The following PTPRD variants were observed in gnomAD, a reference collection of about 807,000 sequenced individuals.
The protein encoded by PTPRD is receptor-type tyrosine-protein phosphatase delta.
PTPRD carries 34 observed loss-of-function variants against 214.5 expected under a neutral mutation model. The observed-to-expected ratio is 0.16, with a 90% CI of 0.12 to 0.21. The LOEUF (loss-of-function observed/expected upper bound fraction) is 0.21. PTPRD is among the 10% of genes least tolerant of loss of function. The pLI is 1.00. For missense variants in PTPRD, 2,545 were observed against 2,398.7 expected, an observed-to-expected ratio of 1.06 and a Z score of -1.27; for synonymous variants, 1,128 against 845.7, an observed-to-expected ratio of 1.33 and a Z score of -5.79.
rs142875996 is a variant in PTPRD, at chr9:9,955,266, G to A, written c.-471-16656C>T. Among the ~76,000 whole-genome samples, 366 of 152,164 alleles carry A rather than the reference G, an allele frequency of 2.4e-3. 1 individual carries two copies. Among genetic ancestry groups the A allele is most frequent in the African/African-American group, 8.3e-3 (345 of 41,542 alleles). On this transcript the variant is annotated intron_variant, in intron 4 of 45. Coordinates refer to ENST00000381196, the MANE Select transcript of PTPRD (RefSeq NM_002839.4). ...ATGAATGAGTGAACGAGTACTAAAC[G>A]GTGAAAGTGTAAAATGACTTTATCA...
At chr9:9,826,484 A>G (rs113427504) in intron 5 of PTPRD, among the ~76,000 whole-genome samples, 5 of 152,102 alleles carry the variant, frequency 3.3e-5, no homozygotes, top group African/African-American at 9.6e-5. Context: ...TGAGTATGAA[A>G]TTAGCTAATC....
chr9:8,851,805 G>A (rs182606122), intron 11 of PTPRD, among the ~76,000 whole-genome samples: 7 of 152,026 alleles, frequency 4.6e-5, no homozygotes, highest in Admixed American at 4.6e-4. Flanking sequence ...TTTCCTCCGA[G>A]AGCTCACAGA....
chr9:9,398,019 C>T (rs80254516), intron 8 of PTPRD, among the ~76,000 whole-genome samples: 1 of 152,068 alleles, frequency 6.6e-6, no homozygotes, highest in African/African-American at 2.4e-5. Flanking sequence ...AGTGCATACT[C>T]ATGCTACCTT....
intron 9 of PTPRD, among the ~76,000 whole-genome samples, chr9:9,233,011 A>G (rs2099964099): frequency 6.6e-6 from 1 of 152,152 alleles, no homozygotes; most frequent in South Asian, 2.1e-4. Flanking sequence ...GTCCAATAAT[A>G]GCTCTTAAGA....
chr9:8,513,312 A>G (rs553581122), intron 21 of PTPRD, among the ~76,000 whole-genome samples: 1 of 152,200 alleles, frequency 6.6e-6, no homozygotes, highest in South Asian at 2.1e-4. Context: ...CTGTATTACC[A>G]GAAATACACA....
intron 9 of PTPRD, among the ~76,000 whole-genome samples, chr9:9,221,649 T>C (rs1313139769): frequency 6.6e-6 from 1 of 152,120 alleles, no homozygotes; most frequent in East Asian, 1.9e-4. Context: ...AACTATACTC[T>C]TATGACCTTA....
At chr9:8,465,960 T>G (rs776876524) in intron 31 of PTPRD, among the ~76,000 whole-genome samples, 1 of 151,872 alleles carries the variant, frequency 6.6e-6, no homozygotes, top group Non-Finnish European at 1.5e-5. Context: ...CCTACACTAA[T>G]GAAATTCTCT....
intron 35 of PTPRD, among the ~76,000 whole-genome samples, chr9:8,408,589 A>G (rs2093246684): frequency 6.6e-6 from 1 of 152,254 alleles, no homozygotes. Context: ...TACGAAATAC[A>G]TAAATTATCA....
At chr9:9,794,424 T>C (rs75839570) in intron 5 of PTPRD, among the ~76,000 whole-genome samples, 4,029 of 152,008 alleles carry the variant, frequency 0.027, 191 homozygotes, top group African/African-American at 0.092. Flanking sequence ...CTTAACGATT[T>C]ATGGTATTTG....
At chr9:10,597,871 C>T (rs1454440760) in intron 2 of PTPRD, among the ~76,000 whole-genome samples, 1 of 151,824 alleles carries the variant, frequency 6.6e-6, no homozygotes, top group Non-Finnish European at 1.5e-5. Flanking sequence ...TTCCATTGAA[C>T]ATTGAGTCTT....
intron 4 of PTPRD, among the ~76,000 whole-genome samples, chr9:10,015,861 A>G (rs1037963127): frequency 3.3e-5 from 5 of 151,900 alleles, no homozygotes; most frequent in African/African-American, 1.2e-4. Flanking sequence ...ATTTTGAAAC[A>G]TTTCATTTCA....
chr9:9,400,541 A>T (rs1464290555), intron 8 of PTPRD, among the ~76,000 whole-genome samples: 1 of 152,022 alleles, frequency 6.6e-6, no homozygotes, highest in East Asian at 1.9e-4. Context: ...GTTTTTTTTC[A>T]GTTCAATTAT....
intron 10 of PTPRD, among the ~76,000 whole-genome samples, chr9:9,036,618 G>A (rs2099622668): frequency 6.6e-6 from 1 of 152,170 alleles, no homozygotes; most frequent in African/African-American, 2.4e-5. Context: ...AGGAAACTGA[G>A]TATGAGTTAT....
In PTPRD at chr9:8,389,362, T is replaced by G; in HGVS notation, c.4256A>C (p.Tyr1419Ser). The change falls in exon 37 of 46, where the codon TAT becomes TCT. Residue 1419 changes from tyrosine to serine, a missense_variant. Transcript: ENST00000381196. ...DYVNANYIDG[Y>S]RKQNAYIATQ... ...TGCAATATAGGCATTTTGCTTCCTA[T>G]ACCCATCTATGTAGTTGGCATTCAC... 6.2e-7 allele frequency: 1 copy of G among 1,612,898 alleles called. No individual in the cohort carries two copies. The highest frequency in any genetic ancestry group is 1.1e-5 in the South Asian group (1 of 90,902).
chr9:9,132,230 C>A (rs928336590), intron 10 of PTPRD, among the ~76,000 whole-genome samples: 1 of 152,058 alleles, frequency 6.6e-6, no homozygotes, highest in African/African-American at 2.4e-5. Flanking sequence ...AGGATAGTCT[C>A]GATCTCCTGA....
At chr9:9,569,254 A>G (rs2085578910) in intron 8 of PTPRD, among the ~76,000 whole-genome samples, 1 of 151,646 alleles carries the variant, frequency 6.6e-6, no homozygotes. Context: ...ATTAAATGGC[A>G]CAATAATTTC....
At chr9:10,458,264 T>A (rs2098932492) in intron 2 of PTPRD, among the ~76,000 whole-genome samples, 1 of 152,098 alleles carries the variant, frequency 6.6e-6, no homozygotes, top group Non-Finnish European at 1.5e-5. Context: ...TAGGCCAATA[T>A]CTCTGAAGAA....
chr9:10,539,098 C>G (rs1287115233), intron 2 of PTPRD, among the ~76,000 whole-genome samples: 2 of 152,210 alleles, frequency 1.3e-5, no homozygotes, highest in East Asian at 3.9e-4. Context: ...TCTCTCCATC[C>G]TGATCTTGCA....
rs760666296 is a variant in PTPRD, at chr9:8,507,380, A to C, written c.1598T>G (p.Leu533Trp). 2.5e-6 allele frequency: 4 copies of C among 1,614,056 alleles called. No individual in the cohort carries two copies. The highest frequency in any genetic ancestry group is 8.5e-7 in the Non-Finnish European group (1 of 1,179,908). ...KAEPESETSI[L>W]LSWTPPRSDT... ...TGAACGTGGAGGTGTCCAAGAGAGC[A>C]AAATACTTGTTTCAGACTCAGGTTC... Residue 533 changes from leucine (L) to tryptophan (W), a missense_variant, in exon 22 of 46, where the codon TTG becomes TGG. Physicochemically the swap from Leu to Trp is moderately conservative, Grantham distance 61. Coordinates refer to ENST00000381196, the MANE Select transcript of PTPRD (RefSeq NM_002839.4).
Sources: gnomAD v4.1 joint callset for allele counts (sites outside exome capture counted in the v4.1 genomes callset) on GRCh38, gnomAD v4.1.1 for gene constraint, MANE v1.5 for transcripts, NCBI Gene and HGNC (gene_info 2026-07-23, HGNC 2026-07-21) for gene names.